Variants in KIAA0513 observed in about 807,000 individuals in gnomAD.
KIAA0513 encodes uncharacterized protein KIAA0513.
A neutral mutation model predicts 56.5 loss-of-function variants in KIAA0513; 39 were observed. The ratio of observed to expected loss-of-function variants is 0.69; its 90% CI spans 0.53 to 0.90. The LOEUF is 0.90. Ranked by LOEUF, KIAA0513 falls within the 40% of genes least tolerant of loss-of-function variation. The pLI, the probability that KIAA0513 is intolerant of heterozygous loss-of-function variation, is 0.00. For missense variants in KIAA0513, 591 were observed against 535.2 expected (o/e 1.10, Z -1.03); for synonymous variants, 268 against 215.6 (o/e 1.24, Z -2.13).
chr16:85,058,913 A>G (rs1424880927), intron 1 of KIAA0513, among the ~76,000 whole-genome samples: 1 of 152,190 alleles, frequency 6.6e-6, no homozygotes, highest in Non-Finnish European at 1.5e-5. Context: ...TTTGGCTGCC[A>G]AGAAACTCAA....
intron 10 of KIAA0513, among the ~76,000 whole-genome samples, chr16:85,085,047 C>G (rs1018732523): frequency 6.6e-6 from 1 of 152,236 alleles, no homozygotes; most frequent in African/African-American, 2.4e-5. Context: ...TGCTGTACAA[C>G]TCCCAAGGGA....
chr16:85,054,078 T>C (rs2073293282), intron 1 of KIAA0513, among the ~76,000 whole-genome samples: 1 of 152,026 alleles, frequency 6.6e-6, no homozygotes, highest in African/African-American at 2.4e-5. Flanking sequence ...GAGGATCACT[T>C]GAGCCCAGGA....
In KIAA0513 at chr16:85,081,282, T is replaced by C. The variant is rs376637249; in HGVS notation, c.903-33T>C. ...AACCCGTGTCCTCCCCGCCTCCCCT[T>C]GGAGAGAGTGTGACTGGGGCTCTGT... On this transcript the variant is annotated intron_variant, in intron 8 of 12. Coordinates refer to ENST00000683363, the MANE Select transcript of KIAA0513 (RefSeq NM_001388359.1). This position sits in a 1 kb window ranked among gnomAD's most constrained non-coding sequence, Gnocchi z 4.4. The C allele has an allele frequency of 8.7e-6, 14 of 1,605,822 alleles. No individual in the cohort carries two copies. The South Asian group carries it at 1.3e-4, about 15-fold the overall frequency.
chr16:85,058,866 A>G (rs1220676768), intron 1 of KIAA0513, among the ~76,000 whole-genome samples: 1 of 152,220 alleles, frequency 6.6e-6, no homozygotes, highest in Non-Finnish European at 1.5e-5. Flanking sequence ...TGTCAGATCA[A>G]GAGAATTTTA....
chr16:85,040,325 C>G (rs2073088899), intron 1 of KIAA0513, among the ~76,000 whole-genome samples: 1 of 152,166 alleles, frequency 6.6e-6, no homozygotes, highest in African/African-American at 2.4e-5. Context: ...CAGCCCCCAC[C>G]ACAAGGAGTG....
At chr16:85,079,724 C>G (rs573385176) in intron 8 of KIAA0513, 3 of 152,384 alleles carry the variant, frequency 2.0e-5, no homozygotes, top group South Asian at 4.1e-4. Flanking sequence ...GGTGGCTGCA[C>G]AACTCTGTGA....
intron 10 of KIAA0513, among the ~76,000 whole-genome samples, chr16:85,083,383 T>C (rs2073771261): frequency 6.6e-6 from 1 of 152,220 alleles, no homozygotes; most frequent in Admixed American, 6.5e-5. Flanking sequence ...GGTATGTCTG[T>C]AGTGTTTATT....
chr16:85,093,525 A>G lies in KIAA0513; in HGVS notation c.*5200A>G, dbSNP rs1303014658. Reference sequence around the variant, plus strand: ...GCACTTTAAAAAGGGGATGCCTGTCAGTAAATCCCCTGTGCATTGACTAGA... The same window carrying G: ...GCACTTTAAAAAGGGGATGCCTGTCGGTAAATCCCCTGTGCATTGACTAGA... On this transcript the variant is annotated 3_prime_UTR_variant, in exon 13 of 13. Coordinates refer to ENST00000683363, the MANE Select transcript of KIAA0513 (RefSeq NM_001388359.1). 1 of 152,674 alleles carries G rather than the reference A, an allele frequency of 6.5e-6. No individual in the cohort carries two copies. Among genetic ancestry groups the G allele is most frequent in the African/African-American group, 2.4e-5 (1 of 41,464 alleles). The allele number at this position is 152,674 out of a possible 1,614,324, so 9.5% of individuals were successfully genotyped here.
rs768933246 is a variant in KIAA0513 at position 85,067,292 on chromosome 16, C to A, written c.221C>A (p.Ser74Tyr). ...PSWDQDRRSSSNESFSSNQST... is the reference protein window; with the variant it reads ...PSWDQDRRSSYNESFSSNQST... The stretch of plus-strand genomic sequence containing the variant: ...TGGGACCAAGACCGCCGTTCCTCCT[C>A]CAACGAGTCCTTCTCCTCCAACCAG... Residue 74 changes from serine (S) to tyrosine (Y), a missense_variant, in exon 2 of 13, where the codon TCC (serine) becomes TAC (tyrosine). Transcript: ENST00000683363. 1 of 1,613,680 alleles carries A rather than the reference C, an allele frequency of 6.2e-7. No homozygotes were observed. The highest frequency in any genetic ancestry group is 8.5e-7 in the Non-Finnish European group (1 of 1,180,024).
chr16:85,051,606 T>C (rs2073252920), intron 1 of KIAA0513, among the ~76,000 whole-genome samples: 1 of 152,158 alleles, frequency 6.6e-6, no homozygotes, highest in African/African-American at 2.4e-5. Flanking sequence ...CCACATAGAA[T>C]CATACTCTCT....
At chr16:85,042,184 A>G (rs760397032) in intron 1 of KIAA0513, among the ~76,000 whole-genome samples, 4 of 152,232 alleles carry the variant, frequency 2.6e-5, no homozygotes, top group Admixed American at 6.5e-5. Flanking sequence ...GCGAAAGCCC[A>G]GCATTTATGG....
At chr16:85,069,726 A>G (rs913866126) in intron 2 of KIAA0513, among the ~76,000 whole-genome samples, 1 of 151,638 alleles carries the variant, frequency 6.6e-6, no homozygotes, top group African/African-American at 2.4e-5. Flanking sequence ...ATCTCCTGGG[A>G]GCTTGTGAGA....
intron 1 of KIAA0513, among the ~76,000 whole-genome samples, chr16:85,032,492 C>T (rs1179774251): frequency 6.6e-6 from 1 of 152,192 alleles, no homozygotes; most frequent in African/African-American, 2.4e-5. Context: ...GCCACCACGC[C>T]TGGCTAATTT....
chr16:85,059,364 T>C (rs12926648), intron 1 of KIAA0513, among the ~76,000 whole-genome samples: 22,832 of 152,206 alleles, frequency 0.15, 3,028 homozygotes, highest in African/African-American at 0.36. Context: ...GAACCACAAC[T>C]CTAGGTTAAA....
rs773909160 is a variant in KIAA0513 at position 85,072,965 on chromosome 16, G to T, written c.470G>T (p.Arg157Leu). Residue 157 changes from arginine (R) to leucine (L), a missense_variant, in exon 4 of 13, where the codon CGC (arginine) becomes CTC (leucine). By Grantham distance (102) the Arg-to-Leu change is moderately radical. Coordinates refer to ENST00000683363, the MANE Select transcript of KIAA0513 (RefSeq NM_001388359.1). Reference protein sequence around the residue: ...SKCVSEATFYRLVQSFAVVLF... With the variant: ...SKCVSEATFYLLVQSFAVVLF... ...TGTGTCTCAGAGGCAACCTTCTACC[G>T]CCTGGTGCAGTCTTTTGCAGTGGTG... 2 of 1,614,022 alleles carry T rather than the reference G, an allele frequency of 1.2e-6. No individual in the cohort carries two copies. Among genetic ancestry groups the T allele is most frequent in the East Asian group, 2.2e-5 (1 of 44,894 alleles).
intron 1 of KIAA0513, among the ~76,000 whole-genome samples, chr16:85,047,785 G>T (rs1245496615): frequency 6.6e-6 from 1 of 152,158 alleles, no homozygotes; most frequent in Admixed American, 6.5e-5. Flanking sequence ...CTCGCCTCTG[G>T]ATATCGAGTT....
At chr16:85,031,771 C>T (rs150600520) in intron 1 of KIAA0513, among the ~76,000 whole-genome samples, 3 of 152,192 alleles carry the variant, frequency 2.0e-5, no homozygotes, top group Non-Finnish European at 4.4e-5. Context: ...TGAGACCTTC[C>T]CTAATAGTCA....
chr16:85,050,135 A>G (rs12597543), intron 1 of KIAA0513, among the ~76,000 whole-genome samples: 61,330 of 150,812 alleles, frequency 0.41, 13,943 homozygotes, highest in African/African-American at 0.62. Context: ...CTCACCCTGC[A>G]CTGTCTCGGT....
intron 1 of KIAA0513, among the ~76,000 whole-genome samples, chr16:85,048,828 C>T (rs887738363): frequency 2.0e-5 from 3 of 152,186 alleles, no homozygotes; most frequent in African/African-American, 7.2e-5. Flanking sequence ...CAGAAGACCA[C>T]AAATGACCTG....
Sources: gnomAD v4.1 joint callset for allele counts (sites outside exome capture counted in the v4.1 genomes callset) on GRCh38, gnomAD v4.1.1 for gene constraint, Gnocchi (gnomAD v3.1) non-coding constraint, MANE v1.5 for transcripts, NCBI Gene and HGNC (gene_info 2026-07-23, HGNC 2026-07-21) for gene names.